Variants in MYOM2 observed in about 807,000 individuals in gnomAD.
The protein encoded by MYOM2 is myomesin 2.
A neutral mutation model predicts 187.6 loss-of-function variants in MYOM2; 254 were observed. The observed-to-expected ratio is 1.35, with a 90% CI of 1.22 to 1.50. MYOM2 has a LOEUF of 1.50. Ranked by LOEUF, MYOM2 falls within the 40% of genes most tolerant of loss-of-function variation. The pLI, the probability that MYOM2 is intolerant of heterozygous loss-of-function variation, is 0.00. For missense variants in MYOM2, 2,796 were observed against 1,924.0 expected (o/e 1.45, Z -8.48); for synonymous variants, 981 against 753.8 (o/e 1.30, Z -4.94).
chr8:2,095,840 T>C (rs1585896596), intron 17 of MYOM2, among the ~76,000 whole-genome samples: 1 of 152,218 alleles, frequency 6.6e-6, no homozygotes, highest in Non-Finnish European at 1.5e-5. Context: ...GAATCGTATC[T>C]GTCATCTCTG....
chr8:2,049,980 C>G (rs982027044), intron 1 of MYOM2, among the ~76,000 whole-genome samples: 4 of 152,180 alleles, frequency 2.6e-5, no homozygotes, highest in Admixed American at 6.5e-5. Flanking sequence ...CTGCTCACCT[C>G]CTGCTACGCC....
intron 1 of MYOM2, among the ~76,000 whole-genome samples, chr8:2,048,584 C>T (rs111300999): frequency 0.031 from 4,699 of 150,630 alleles, 258 homozygotes; most frequent in African/African-American, 0.11. Flanking sequence ...AGGCATGATG[C>T]AGATTCAATA....
At chr8:2,140,652 A>C in intron 32 of MYOM2, 71 bp from the exon 33 acceptor site, 1 of 1,483,372 alleles carries the variant, frequency 6.7e-7, no homozygotes, top group Non-Finnish European at 9.1e-7. Flanking sequence ...GCAACGGGAC[A>C]TTGCCCTGTA....
Position 2,100,934 on chromosome 8 carries a change from G to A in MYOM2, c.2499G>A (p.Trp833Ter), listed in dbSNP as rs1585907339. 6.2e-7 allele frequency: 1 copy of A among 1,614,210 alleles called. No homozygotes were observed. Among genetic ancestry groups the A allele is most frequent in the Non-Finnish European group, 8.5e-7 (1 of 1,180,038 alleles). ...EVRDTSLVMLWKAPVYSGSSP... is the reference protein window; with the variant it reads ...EVRDTSLVML ...GGGACACGTCCTTGGTCATGCTGTG[G>A]AAGGCCCCTGTGTACTCCGGCAGCA... The change falls in exon 20 of 37, where the codon TGG (tryptophan) becomes TGA (stop). Residue 833 changes from tryptophan to a stop codon, truncating the protein, a stop_gained. Transcript: ENST00000262113. LOFTEE classifies it high-confidence loss of function.
intron 18 of MYOM2, among the ~76,000 whole-genome samples, chr8:2,098,468 C>T (rs561387661): frequency 6.6e-6 from 1 of 152,144 alleles, no homozygotes; most frequent in African/African-American, 2.4e-5. Flanking sequence ...AGGGCCCGCT[C>T]AGGGGACAGT....
chr8:2,134,918 G>C (rs934267351), intron 32 of MYOM2, among the ~76,000 whole-genome samples: 1 of 152,164 alleles, frequency 6.6e-6, no homozygotes, highest in Non-Finnish European at 1.5e-5. Context: ...GACTATCGAT[G>C]TCTCAGGGAG....
At chr8:2,078,192 A>G (rs1175442296) in intron 11 of MYOM2, among the ~76,000 whole-genome samples, 1 of 152,250 alleles carries the variant, frequency 6.6e-6, no homozygotes, top group African/African-American at 2.4e-5. Context: ...TCTAAATTCC[A>G]CATGAGAGGC....
rs192578302 is a variant in MYOM2, at chr8:2,072,587, A to G, written c.958+78A>G. On this transcript the variant is annotated intron_variant, in intron 9 of 36. Transcript: ENST00000262113. ...AAATGTCCTTTAAATGTGGGTGTCA[A>G]TGTGGCTTTTGTCTCTACCACTGGG... 1.2e-4 allele frequency: 177 copies of G among 1,497,412 alleles called. No homozygotes were observed. The African/African-American group carries it at 2.0e-3, about 17-fold the overall frequency. The allele number at this position is 1,497,412 out of a possible 1,614,324, so 92.8% of individuals were successfully genotyped here. A position where few individuals can be genotyped will look rare whatever the true frequency, so the allele number is the denominator to read the frequency against.
chr8:2,086,230 C>A lies in MYOM2; in HGVS notation c.1644+840C>A, dbSNP rs1173109631. ...CCCACTGTCATGATCTCTTTGTGGC[C>A]CCCCACTGTTGTGATCTTTGCGTGG... On this transcript the variant is annotated intron_variant, in intron 14 of 36. Coordinates refer to ENST00000262113, the MANE Select transcript of MYOM2 (RefSeq NM_003970.4). Among the ~76,000 whole-genome samples the A allele has an allele frequency of 2.6e-3, 81 of 30,678 alleles. 24 individuals are homozygous for A. Among genetic ancestry groups the A allele is most frequent in the East Asian group, 0.016 (10 of 612 alleles). 20.1% of individuals were successfully genotyped at this position (30,678 alleles called of 152,430 possible).
At chr8:2,062,640 C>T (rs934164762) in intron 6 of MYOM2, among the ~76,000 whole-genome samples, 2 of 152,094 alleles carry the variant, frequency 1.3e-5, no homozygotes, top group Admixed American at 1.3e-4. Flanking sequence ...CTTGGATTTC[C>T]GAAAGTTGTG....
intron 32 of MYOM2, among the ~76,000 whole-genome samples, chr8:2,130,371 C>G (rs78444248): frequency 2.9e-5 from 3 of 104,550 alleles, no homozygotes; most frequent in African/African-American, 5.6e-5. Context: ...ACGCCCCTCA[C>G]TACGCTATAC....
intron 17 of MYOM2, among the ~76,000 whole-genome samples, chr8:2,094,633 C>T (rs1349192292): frequency 6.6e-6 from 1 of 152,144 alleles, no homozygotes; most frequent in Non-Finnish European, 1.5e-5. Context: ...CCTGGGGGGA[C>T]AGAGCAAGAC....
At chr8:2,091,298 C>T (rs1465384906) in intron 15 of MYOM2, among the ~76,000 whole-genome samples, 3 of 152,126 alleles carry the variant, frequency 2.0e-5, no homozygotes, top group South Asian at 2.1e-4. Flanking sequence ...CCCACCTTGG[C>T]CTCTCAAAAT....
At chr8:2,079,505 G>A (rs1819547423) in intron 12 of MYOM2, 55 bp from the exon 13 acceptor site, 2 of 1,574,956 alleles carry the variant, frequency 1.3e-6, no homozygotes, top group Admixed American at 1.7e-5. Context: ...AGGGAAAACG[G>A]GCTTTTGGGG....
chr8:2,096,926 G>T (rs1796511117), intron 18 of MYOM2: 1 of 160,796 alleles, frequency 6.2e-6, no homozygotes. Flanking sequence ...GGTGCAGAGT[G>T]TGGCAAGGAC....
intron 32 of MYOM2, among the ~76,000 whole-genome samples, chr8:2,129,473 G>C (rs530530071): frequency 1.1e-4 from 16 of 152,332 alleles, no homozygotes; most frequent in Admixed American, 8.5e-4. Flanking sequence ...AATTTCTCTA[G>C]TGTCTCAGTC....
chr8:2,130,864 G>A (rs1033444267), intron 32 of MYOM2, among the ~76,000 whole-genome samples: 1 of 152,218 alleles, frequency 6.6e-6, no homozygotes, highest in Non-Finnish European at 1.5e-5. Flanking sequence ...GGGACAATGA[G>A]TAAATCTATG....
chr8:2,110,088 C>T (rs144589206), intron 25 of MYOM2, among the ~76,000 whole-genome samples: 8 of 152,242 alleles, frequency 5.3e-5, no homozygotes, highest in African/African-American at 7.2e-5. Context: ...TTTGGGAGGC[C>T]GAGATGGGGG....
chr8:2,142,296 T>C, intron 34 of MYOM2, 79 bp from the exon 35 acceptor site: 1 of 1,377,830 alleles, frequency 7.3e-7, no homozygotes, highest in African/African-American at 1.4e-5. Context: ...CTAGTGAGCC[T>C]CTCAGCTGTG....
Sources: gnomAD v4.1 joint callset for allele counts (sites outside exome capture counted in the v4.1 genomes callset) on GRCh38, gnomAD v4.1.1 for gene constraint, MANE v1.5 for transcripts, NCBI Gene and HGNC (gene_info 2026-07-23, HGNC 2026-07-21) for gene names.